Variants in GRB10 observed in about 807,000 individuals in gnomAD.
The protein encoded by GRB10 is growth factor receptor-bound protein 10.
In GRB10, 20 loss-of-function variants were observed where a neutral mutation model predicts 80.9. The ratio of observed to expected loss-of-function variants is 0.25; its 90% CI spans 0.17 to 0.36. GRB10 has a LOEUF of 0.36. Among genes scored for constraint, GRB10 ranks in the 10% least tolerant of loss-of-function variants. GRB10 has a pLI of 1.00. For missense variants in GRB10, 548 were observed against 747.7 expected (o/e 0.73, Z 3.12); for synonymous variants, 291 against 291.5 (o/e 1.00, Z 0.02).
At chr7:50,780,029 GC>G (rs1459572170) in intron 2 of GRB10, among the ~76,000 whole-genome samples, 1 of 152,116 alleles carries the variant, frequency 6.6e-6, no homozygotes, top group Non-Finnish European at 1.5e-5. Context: ...ATGCCTACTG[GC>G]CCCCCAATCC....
intron 2 of GRB10, among the ~76,000 whole-genome samples, chr7:50,770,019 G>A (rs891458193): frequency 1.3e-5 from 2 of 152,134 alleles, no homozygotes; most frequent in African/African-American, 4.8e-5. Flanking sequence ...AACAAACACT[G>A]GGGGAAGAGA....
chr7:50,683,420 G>A (rs566154344), intron 5 of GRB10, among the ~76,000 whole-genome samples: 2 of 152,328 alleles, frequency 1.3e-5, no homozygotes, highest in South Asian at 4.1e-4. Context: ...CGTTCTTAAT[G>A]CCATTGAAAT....
intron 11 of GRB10, among the ~76,000 whole-genome samples, chr7:50,615,964 G>A (rs1331817760): frequency 6.6e-6 from 1 of 152,178 alleles, no homozygotes. Context: ...CTCCCAACCC[G>A]CAGTGGGGGT....
chr7:50,594,228 C>T lies in GRB10; in HGVS notation c.1639-1130G>A, dbSNP rs114099870. Among the ~76,000 whole-genome samples, 237 of 152,340 alleles carry T rather than the reference C, an allele frequency of 1.6e-3. 3 individuals carry two copies. The highest frequency in any genetic ancestry group is 5.4e-3 in the African/African-American group (225 of 41,566). On this transcript the variant is annotated intron_variant, in intron 18 of 18. Coordinates refer to ENST00000401949, the MANE Select transcript of GRB10 (RefSeq NM_001350814.2). ...CCCCAGTGCGGTGCAGGAAAAGCCACTGACAGCCATGAGCCTCATTTTCCT... is the reference window on the plus strand; with the variant it reads ...CCCCAGTGCGGTGCAGGAAAAGCCATTGACAGCCATGAGCCTCATTTTCCT...
intron 3 of GRB10, among the ~76,000 whole-genome samples, chr7:50,754,704 G>T (rs1053372907): frequency 6.6e-6 from 1 of 152,180 alleles, no homozygotes; most frequent in African/African-American, 2.4e-5. Context: ...TCCTACCAAG[G>T]GTGTGGATAT....
At chr7:50,726,957 C>A (rs892365064) in intron 4 of GRB10, 1 of 152,182 alleles carries the variant, frequency 6.6e-6, no homozygotes, top group Non-Finnish European at 1.5e-5. Context: ...CTTTGATAAT[C>A]TCATCTGCAA....
chr7:50,665,766 G>A lies in GRB10; in HGVS notation c.504+3956C>T, dbSNP rs79893566. 4.9e-3 allele frequency among the ~76,000 whole-genome samples: 741 copies of A among 152,316 alleles called. 10 individuals carry two copies. Among genetic ancestry groups the A allele is most frequent in the African/African-American group, 0.017 (711 of 41,566 alleles). ...GCAGGGTGAGGAAGTTGAATCCAGG[G>A]CAGGTGAAGGACAGCCAGGCAGGAA... is the stretch of plus-strand genomic sequence containing the variant. On this transcript the variant is annotated intron_variant, in intron 7 of 18. Coordinates refer to ENST00000401949, the MANE Select transcript of GRB10 (RefSeq NM_001350814.2).
chr7:50,666,043 A>C (rs1355382780), intron 7 of GRB10, among the ~76,000 whole-genome samples: 1 of 152,182 alleles, frequency 6.6e-6, no homozygotes, highest in Non-Finnish European at 1.5e-5. Flanking sequence ...AGAACTTGGT[A>C]AGCCTGCCTG....
chr7:50,612,749 G>T lies in GRB10; in HGVS notation c.1186C>A (p.Leu396Ile). 6.2e-7 allele frequency: 1 copy of T among 1,612,076 alleles called. No individual in the cohort carries two copies. Among genetic ancestry groups the T allele is most frequent in the Non-Finnish European group, 8.5e-7 (1 of 1,178,392 alleles). The change falls in exon 13 of 19, where the codon CTC (leucine) becomes ATC (isoleucine). Residue 396 changes from leucine to isoleucine, a missense_variant. Leu to Ile is a conservative substitution (Grantham distance 5). Around this residue, in one of 4 missense-constraint regions of GRB10, gnomAD observed 270 missense variants for 433.6 expected, o/e 0.62. Coordinates refer to ENST00000401949, the MANE Select transcript of GRB10 (RefSeq NM_001350814.2). Reference sequence around the variant, plus strand: ...CGCAAGATGTCACATACCTTGAGGAGTCTGAACGCTGTCATCCAGCACGTC... The same window carrying T: ...CGCAAGATGTCACATACCTTGAGGATTCTGAACGCTGTCATCCAGCACGTC... Reference protein sequence around the residue: ...TRTCWMTAFRLLKYGMLLYQN... With the variant: ...TRTCWMTAFRILKYGMLLYQN...
chr7:50,674,292 T>A, intron 6 of GRB10, 144 bp downstream of exon 6: 1 of 822,980 alleles, frequency 1.2e-6, no homozygotes, highest in Non-Finnish European at 2.0e-6. Context: ...GTGTATCCGT[T>A]ATCCCATCAA....
At chr7:50,658,887 G>A (rs2058932518) in intron 7 of GRB10, among the ~76,000 whole-genome samples, 1 of 152,200 alleles carries the variant, frequency 6.6e-6, no homozygotes, top group Admixed American at 6.5e-5. Flanking sequence ...ACATGCAGGT[G>A]CCGTCACGTC....
chr7:50,706,758 G>C (rs74644624), intron 4 of GRB10, among the ~76,000 whole-genome samples: 5,555 of 152,286 alleles, frequency 0.036, 344 homozygotes, highest in African/African-American at 0.13. Flanking sequence ...AGTAAAAAAT[G>C]TCCATGAATG....
intron 3 of GRB10, among the ~76,000 whole-genome samples, chr7:50,750,664 T>A (rs1259730239): frequency 1.3e-5 from 2 of 152,160 alleles, no homozygotes; most frequent in Non-Finnish European, 2.9e-5. Flanking sequence ...CCCACCCCCA[T>A]CTGTGAAGTC....
chr7:50,715,404 T>C (rs2066694308), intron 4 of GRB10, among the ~76,000 whole-genome samples: 1 of 152,156 alleles, frequency 6.6e-6, no homozygotes, highest in African/African-American at 2.4e-5. Context: ...TCAATCCCTC[T>C]GCCAAAGAGT....
At chr7:50,624,769 G>A (rs1201417629) in intron 8 of GRB10, among the ~76,000 whole-genome samples, 1 of 152,090 alleles carries the variant, frequency 6.6e-6, no homozygotes, top group East Asian at 1.9e-4. Context: ...ATATTCTAAG[G>A]AATTTCATGT....
intron 5 of GRB10, among the ~76,000 whole-genome samples, chr7:50,677,599 C>T (rs1311299159): frequency 3.3e-5 from 5 of 152,198 alleles, no homozygotes; most frequent in East Asian, 3.8e-4. Flanking sequence ...AGTTCTAGAA[C>T]GTATGCATCA....
chr7:50,655,505 G>C (rs1482181040), intron 7 of GRB10, among the ~76,000 whole-genome samples: 8 of 152,160 alleles, frequency 5.3e-5, no homozygotes, highest in Non-Finnish European at 1.2e-4. Context: ...TGAAAACTAT[G>C]AGAAATCAAT....
chr7:50,718,211 C>G (rs1384571064), intron 4 of GRB10, among the ~76,000 whole-genome samples: 2 of 152,158 alleles, frequency 1.3e-5, no homozygotes, highest in Non-Finnish European at 2.9e-5. Context: ...GTGCCCAGTT[C>G]AAGGGAGAAT....
Position 50,674,470 on chromosome 7 carries a change from G to T in GRB10, c.328C>A (p.Gln110Lys). 1 of 1,607,272 alleles carries T rather than the reference G, an allele frequency of 6.2e-7. No homozygotes were observed. The highest frequency in any genetic ancestry group is 8.5e-7 in the Non-Finnish European group (1 of 1,180,004). ...AGGATGTGCACAGGCTGGGAGCGCT[G>T]CACCCTCTGCCTCGGGGACACCTGT... is the stretch of plus-strand genomic sequence containing the variant. ...QPQVSPRQRV[Q>K]RSQPVHILAV... Residue 110 changes from glutamine to lysine, a missense_variant, in exon 6 of 19, where the codon CAG becomes AAG. Transcript: ENST00000401949.
Sources: allele counts gnomAD v4.1 joint callset (sites outside exome capture counted in the v4.1 genomes callset), GRCh38; gene constraint gnomAD v4.1.1; regional missense constraint gnomAD v4.1.1; transcripts MANE v1.5; gene names NCBI Gene and HGNC (gene_info 2026-07-23, HGNC 2026-07-21).